The following NXPE2 variants were observed in gnomAD, a reference collection of about 807,000 sequenced individuals.
NXPE2 encodes neurexophilin and PC-esterase domain family member 2.
A neutral mutation model predicts 34.4 loss-of-function variants in NXPE2; 34 were observed. The observed-to-expected ratio is 0.99, with a 90% CI of 0.75 to 1.31. NXPE2 has a LOEUF of 1.31. Among genes scored for constraint, NXPE2 ranks in the 40% most tolerant of loss-of-function variants. NXPE2 has a pLI of 0.00. For synonymous variants in NXPE2, 235 were observed against 231.3 expected (o/e 1.02, Z -0.15); for missense variants, 649 against 672.5 (o/e 0.97, Z 0.39).
At chr11:114,636,804 T>G in the NXPE2 span, among the ~76,000 whole-genome samples, 1 of 152,292 alleles carries the variant, frequency 6.6e-6, no homozygotes, top group Admixed American at 6.5e-5. Context: ...GAGTTCTAGT[T>G]TGATTGCACT....
chr11:114,522,622 T>C, the NXPE2 span: 2 of 865,274 alleles, frequency 2.3e-6, no homozygotes, highest in Admixed American at 2.9e-5. Flanking sequence ...GGAGCCTTTC[T>C]ACTCTCTAGG....
the NXPE2 span, among the ~76,000 whole-genome samples, chr11:114,500,647 G>T: frequency 7.2e-4 from 109 of 152,064 alleles, 2 homozygotes; most frequent in South Asian, 0.022. Flanking sequence ...TTCTTCTATG[G>T]TTATTGCTTT....
the NXPE2 span, among the ~76,000 whole-genome samples, chr11:114,803,959 C>T: frequency 6.6e-6 from 1 of 152,104 alleles, no homozygotes; most frequent in Non-Finnish European, 1.5e-5. Context: ...CAAAGGTCCT[C>T]CATTTAAAAC....
the NXPE2 span, among the ~76,000 whole-genome samples, chr11:114,750,316 C>T: frequency 3.3e-5 from 5 of 152,204 alleles, no homozygotes; most frequent in East Asian, 3.9e-4. Context: ...CACATGTCTG[C>T]GGACAAGTTT....
At position 114,679,679 on chromosome 11, in the gene NXPE2, G is replaced by A. The variant is rs866161893; in HGVS notation, c.49G>A (p.Ala17Thr). ...TAGGATACTCACTTTGTTTCCAAATGCCATAGCTCGAAAATTACTGCTGAT... is the reference window on the plus strand; with the variant it reads ...TAGGATACTCACTTTGTTTCCAAATACCATAGCTCGAAAATTACTGCTGAT... Reference protein sequence around the residue: ...IHRILTLFPNAIARKLLLMLT... With the variant: ...IHRILTLFPNTIARKLLLMLT... The change falls in exon 2 of 6, where the codon GCC (alanine) becomes ACC (threonine). Residue 17 changes from alanine (A) to threonine (T), a missense_variant. Ala to Thr is a moderately conservative substitution (Grantham distance 58). Transcript: ENST00000389586. The A allele has an allele frequency of 1.2e-5, 18 of 1,549,092 alleles. No homozygotes were observed. The African/African-American group carries it at 1.6e-4, about 14-fold the overall frequency.
chr11:114,707,902 C>T (rs965694494), downstream of NXPE2, among the ~76,000 whole-genome samples: 7 of 152,184 alleles, frequency 4.6e-5, no homozygotes, highest in Non-Finnish European at 8.8e-5. Flanking sequence ...AATAATATTC[C>T]GTTGTAAGTA....
chr11:114,655,207 G>A, the NXPE2 span, among the ~76,000 whole-genome samples: 1 of 152,058 alleles, frequency 6.6e-6, no homozygotes, highest in Admixed American at 6.6e-5. Flanking sequence ...TAAGTTCCTT[G>A]TAAATGCTGG....
chr11:114,553,988 A>G, the NXPE2 span: 3 of 985,290 alleles, frequency 3.0e-6, no homozygotes, highest in African/African-American at 1.7e-5. Context: ...CTCAAAGTCA[A>G]CTTGTCCAAT....
the NXPE2 span, chr11:114,530,016 G>T: frequency 1.5e-6 from 1 of 665,972 alleles, no homozygotes; most frequent in Non-Finnish European, 2.5e-6. Flanking sequence ...TGCAAACTTT[G>T]GCCTAGAGTG....
At chr11:114,794,289 T>C in the NXPE2 span, among the ~76,000 whole-genome samples, 1 of 152,128 alleles carries the variant, frequency 6.6e-6, no homozygotes. Flanking sequence ...TTCTTGGCTC[T>C]CATTCTAGAT....
chr11:114,564,012 A>G, the NXPE2 span, among the ~76,000 whole-genome samples: 1 of 152,304 alleles, frequency 6.6e-6, no homozygotes, highest in East Asian at 1.9e-4. Flanking sequence ...ACACATGTTT[A>G]TGGCAGCACA....
chr11:114,663,678 T>TATCTATC, the NXPE2 span, among the ~76,000 whole-genome samples: 35 of 146,060 alleles, frequency 2.4e-4, no homozygotes, highest in African/African-American at 5.4e-4. Context: ...ATCTATCTAT[T>TATCTATC]TATCTATCTA....
chr11:114,577,908 A>G, the NXPE2 span, among the ~76,000 whole-genome samples: 1 of 152,210 alleles, frequency 6.6e-6, no homozygotes, highest in Non-Finnish European at 1.5e-5. Context: ...AATAAGTATT[A>G]CTAGTCATTT....
chr11:114,807,465 C>T, the NXPE2 span, among the ~76,000 whole-genome samples: 3 of 151,884 alleles, frequency 2.0e-5, no homozygotes, highest in East Asian at 3.9e-4. Flanking sequence ...TGCAGAGACA[C>T]ATATAGGCTC....
the NXPE2 span, among the ~76,000 whole-genome samples, chr11:114,509,734 C>T: frequency 2.0e-5 from 3 of 151,968 alleles, no homozygotes; most frequent in Admixed American, 2.0e-4. Flanking sequence ...GACACATGGA[C>T]ACATAGAGGG....
At chr11:114,724,104 C>A in the NXPE2 span, among the ~76,000 whole-genome samples, 1 of 152,168 alleles carries the variant, frequency 6.6e-6, no homozygotes, top group South Asian at 2.1e-4. Flanking sequence ...CAACAATCAT[C>A]CTATCAGTGG....
the NXPE2 span, among the ~76,000 whole-genome samples, chr11:114,497,432 G>A: frequency 3.3e-5 from 5 of 152,104 alleles, no homozygotes; most frequent in African/African-American, 1.2e-4. Flanking sequence ...CTCCATTTAT[G>A]GTAAGTACCC....
the NXPE2 span, among the ~76,000 whole-genome samples, chr11:114,602,461 TATATAAATTATAGATTATATATAAC>T: frequency 7.4e-6 from 1 of 134,954 alleles, no homozygotes; most frequent in Admixed American, 8.2e-5. Context: ...TTATAAATAA[TATATAAATTATAGATTATATATAAC>T]ATATATTATC....
At chr11:114,746,559 G>A in the NXPE2 span, among the ~76,000 whole-genome samples, 1 of 152,046 alleles carries the variant, frequency 6.6e-6, no homozygotes, top group South Asian at 2.1e-4. Flanking sequence ...GGAATCAAAA[G>A]GGAACACCTG....
Sources: gnomAD v4.1 joint callset for allele counts (sites outside exome capture counted in the v4.1 genomes callset) on GRCh38, gnomAD v4.1.1 for gene constraint, MANE v1.5 for transcripts, NCBI Gene and HGNC (gene_info 2026-07-23, HGNC 2026-07-21) for gene names.